CDH19: variants seen among roughly 807,000 people sequenced by gnomAD.
CDH19 encodes the protein cadherin 19.
CDH19 carries 67 observed loss-of-function variants against 64.2 expected under a neutral mutation model. The ratio of observed to expected loss-of-function variants is 1.04; its 90% CI spans 0.86 to 1.28. The LOEUF (loss-of-function observed/expected upper bound fraction) is 1.28. Among genes scored for constraint, CDH19 ranks in the 50% most tolerant of loss-of-function variants. The probability of loss-of-function intolerance (pLI) is 0.00; values close to 1 mark genes in which losing one functional copy is unlikely to be tolerated. For synonymous variants in CDH19, 346 were observed against 319.3 expected (o/e 1.08, Z -0.89); for missense variants, 1,030 against 929.0 (o/e 1.11, Z -1.41).
chr18:66,540,159 C>A (rs1158034772), intron 7 of CDH19, among the ~76,000 whole-genome samples: 2 of 152,170 alleles, frequency 1.3e-5, no homozygotes, highest in Non-Finnish European at 2.9e-5. Context: ...GAATCTGCTA[C>A]TGGCTTCATT....
intron 1 of CDH19, among the ~76,000 whole-genome samples, chr18:66,590,618 A>G (rs1052569629): frequency 2.6e-5 from 4 of 151,964 alleles, no homozygotes; most frequent in Admixed American, 2.6e-4. Flanking sequence ...TTCTCCTATC[A>G]GAAAGAAATA....
At chr18:66,564,654 T>C (rs1987840421) in intron 3 of CDH19, among the ~76,000 whole-genome samples, 1 of 151,876 alleles carries the variant, frequency 6.6e-6, no homozygotes, top group Admixed American at 6.6e-5. Flanking sequence ...CACAGACATA[T>C]AAACAAAGTC....
chr18:66,597,081 CAAAA>C (rs35253366), intron 1 of CDH19, among the ~76,000 whole-genome samples: 2 of 26,342 alleles, frequency 7.6e-5, no homozygotes, highest in Non-Finnish European at 1.5e-4. Flanking sequence ...GACTCCATCT[CAAAA>C]AAAAAAAAAA....
chr18:66,543,525 T>G (rs1211523111), intron 7 of CDH19, among the ~76,000 whole-genome samples: 2 of 152,118 alleles, frequency 1.3e-5, no homozygotes, highest in Non-Finnish European at 2.9e-5. Flanking sequence ...GGTTCCCTAT[T>G]TTGCTTAAAT....
intron 5 of CDH19, among the ~76,000 whole-genome samples, chr18:66,545,373 TTC>T (rs1470116344): frequency 2.0e-5 from 3 of 151,832 alleles, no homozygotes; most frequent in Non-Finnish European, 4.4e-5. Flanking sequence ...GTTCTCTTTT[TTC>T]TTTCTCTTTT....
At chr18:66,598,806 C>G (rs1270289907) in intron 1 of CDH19, among the ~76,000 whole-genome samples, 3 of 151,862 alleles carry the variant, frequency 2.0e-5, no homozygotes, top group African/African-American at 7.3e-5. Context: ...ATGTAACAAG[C>G]TAGCACATGT....
intron 7 of CDH19, among the ~76,000 whole-genome samples, chr18:66,535,948 TA>T (rs201415818): frequency 0.028 from 4,084 of 146,800 alleles, 127 homozygotes; most frequent in Non-Finnish European, 0.034. Context: ...TACACACATA[TA>T]AAACAAAAGT....
intron 3 of CDH19, among the ~76,000 whole-genome samples, chr18:66,562,086 C>G (rs1987743256): frequency 6.6e-6 from 1 of 151,850 alleles, no homozygotes; most frequent in African/African-American, 2.4e-5. Flanking sequence ...TTCTTTGGCA[C>G]CAGGGACCAG....
intron 9 of CDH19, among the ~76,000 whole-genome samples, chr18:66,525,119 T>C (rs983614631): frequency 6.6e-6 from 1 of 152,172 alleles, no homozygotes; most frequent in Admixed American, 6.5e-5. Flanking sequence ...TAACTGTTCC[T>C]TATGTTTAAA....
At chr18:66,587,864 G>C (rs921869112) in intron 1 of CDH19, among the ~76,000 whole-genome samples, 1 of 152,112 alleles carries the variant, frequency 6.6e-6, no homozygotes, top group Non-Finnish European at 1.5e-5. Context: ...AAAATCAACT[G>C]TGTCTCTAAT....
chr18:66,534,083 T>G (rs1284329966), intron 8 of CDH19, among the ~76,000 whole-genome samples: 2 of 151,348 alleles, frequency 1.3e-5, no homozygotes, highest in Non-Finnish European at 2.9e-5. Context: ...TTCCAACAAG[T>G]TTTTCCTTAA....
intron 1 of CDH19, among the ~76,000 whole-genome samples, chr18:66,578,403 T>A (rs1988327574): frequency 6.6e-6 from 1 of 151,804 alleles, no homozygotes; most frequent in South Asian, 2.1e-4. Context: ...AACGGGTAAA[T>A]GCAAATTAAA....
intron 1 of CDH19, among the ~76,000 whole-genome samples, chr18:66,589,976 T>TTTTA (rs10695381): frequency 0.34 from 51,111 of 151,500 alleles, 10,006 homozygotes; most frequent in Non-Finnish European, 0.45. Flanking sequence ...ACTATTATTA[T>TTTTA]TTTGTTAGAC....
intron 3 of CDH19, among the ~76,000 whole-genome samples, chr18:66,558,131 T>C (rs1398209794): frequency 6.7e-6 from 1 of 148,978 alleles, no homozygotes; most frequent in African/African-American, 2.5e-5. Context: ...GCGACAGACA[T>C]GTATCTGTAT....
intron 3 of CDH19, among the ~76,000 whole-genome samples, chr18:66,565,915 T>C (rs1810679759): frequency 6.6e-6 from 1 of 151,966 alleles, no homozygotes; most frequent in Non-Finnish European, 1.5e-5. Context: ...ACACAGTATG[T>C]ATTGATTACA....
At chr18:66,520,075 C>A (rs986557637) in intron 9 of CDH19, among the ~76,000 whole-genome samples, 2 of 152,064 alleles carry the variant, frequency 1.3e-5, no homozygotes, top group African/African-American at 4.8e-5. Flanking sequence ...GTCCCAGCTA[C>A]TCGGGAGGCT....
rs933726099 is a variant in CDH19, at chr18:66,548,255, A to T, written c.775+2839T>A. On this transcript the variant is annotated intron_variant, in intron 5 of 11. Coordinates refer to ENST00000262150, the MANE Select transcript of CDH19 (RefSeq NM_021153.4). The stretch of plus-strand genomic sequence containing the variant: ...CTCCTCTGAACCCCTTTATATATAT[A>T]TATATATTTTTTTAAAAATATATAA... 2.6e-4 allele frequency among the ~76,000 whole-genome samples: 22 copies of T among 85,932 alleles called. 1 individual carries two copies. Among genetic ancestry groups the T allele is most frequent in the African/African-American group, 1.3e-3 (22 of 16,488 alleles). 56.4% of individuals were successfully genotyped at this position (85,932 alleles called of 152,430 possible).
chr18:66,558,881 T>C (rs554392288), intron 3 of CDH19, among the ~76,000 whole-genome samples: 2 of 152,050 alleles, frequency 1.3e-5, no homozygotes, highest in African/African-American at 4.8e-5. Flanking sequence ...GTCTGTAATA[T>C]CAGAACTGTG....
At chr18:66,602,171 C>T (rs1283208290) in intron 1 of CDH19, among the ~76,000 whole-genome samples, 3 of 152,016 alleles carry the variant, frequency 2.0e-5, no homozygotes, top group Non-Finnish European at 4.4e-5. Flanking sequence ...ATCAATATCT[C>T]CTTTTAAACA....
Sources: gnomAD v4.1 joint callset for allele counts (sites outside exome capture counted in the v4.1 genomes callset) on GRCh38, gnomAD v4.1.1 for gene constraint, MANE v1.5 for transcripts, NCBI Gene and HGNC (gene_info 2026-07-23, HGNC 2026-07-21) for gene names.